Variants in CLIC4 observed in about 807,000 individuals in gnomAD.
CLIC4 encodes the protein CLIC family member 4, also known as chloride intracellular channel protein 4.
A neutral mutation model predicts 24.6 loss-of-function variants in CLIC4; 13 were observed. That is an observed-to-expected ratio of 0.53 (90% confidence interval 0.34 to 0.84). CLIC4 has a LOEUF of 0.84. CLIC4 is among the 40% of genes least tolerant of loss of function. The probability of loss-of-function intolerance (pLI) is 0.01; values close to 1 mark genes in which losing one functional copy is unlikely to be tolerated. For missense variants in CLIC4, 227 were observed against 301.7 expected (o/e 0.75, Z 1.83); for synonymous variants, 104 against 111.3 (o/e 0.93, Z 0.41).
chr1:24,748,055 T>C (rs1487214457), intron 1 of CLIC4, among the ~76,000 whole-genome samples: 1 of 151,682 alleles, frequency 6.6e-6, no homozygotes, highest in African/African-American at 2.4e-5. Flanking sequence ...AAAGCTATTA[T>C]CAGTTATGGC....
At chr1:24,749,106 C>T (rs1051365762) in intron 1 of CLIC4, among the ~76,000 whole-genome samples, 7 of 151,632 alleles carry the variant, frequency 4.6e-5, no homozygotes, top group Admixed American at 1.3e-4. Flanking sequence ...CCCAGCTACT[C>T]GGGAGACTGA....
chr1:24,790,335 G>A (rs945722895), intron 1 of CLIC4, among the ~76,000 whole-genome samples: 1 of 152,232 alleles, frequency 6.6e-6, no homozygotes, highest in Non-Finnish European at 1.5e-5. Context: ...GCCTCCCAAA[G>A]TGCTGGGATT....
chr1:24,784,184 T>C (rs1033874984), intron 1 of CLIC4, among the ~76,000 whole-genome samples: 2 of 152,144 alleles, frequency 1.3e-5, no homozygotes, highest in African/African-American at 4.8e-5. Context: ...ATTACAAATA[T>C]CAAAAAGTGT....
intron 1 of CLIC4, among the ~76,000 whole-genome samples, chr1:24,781,103 A>G (rs1487453253): frequency 2.7e-5 from 4 of 150,090 alleles, no homozygotes; most frequent in Admixed American, 6.7e-5. Context: ...AAAAAAAAAA[A>G]AAGAAAGAAA....
chr1:24,794,101 T>TG (rs1227998107), intron 1 of CLIC4, among the ~76,000 whole-genome samples: 1 of 152,156 alleles, frequency 6.6e-6, no homozygotes, highest in African/African-American at 2.4e-5. Context: ...TTTTTAAACT[T>TG]GGGGCTGATT....
At chr1:24,807,203 ATAAT>A (rs1329613425) in intron 2 of CLIC4, among the ~76,000 whole-genome samples, 1 of 151,772 alleles carries the variant, frequency 6.6e-6, no homozygotes, top group Non-Finnish European at 1.5e-5. Context: ...AAAAACTTTC[ATAAT>A]TAATTATAGA....
chr1:24,778,048 C>A (rs762774210), intron 1 of CLIC4: 1 of 152,112 alleles, frequency 6.6e-6, no homozygotes, highest in Non-Finnish European at 1.5e-5. Context: ...TTATATTGGT[C>A]GTAGCTCTGG....
At chr1:24,756,217 T>G (rs898612818) in intron 1 of CLIC4, among the ~76,000 whole-genome samples, 2 of 152,118 alleles carry the variant, frequency 1.3e-5, no homozygotes, top group Non-Finnish European at 2.9e-5. Flanking sequence ...GCTAGGATGG[T>G]CTTGATCTCC....
intron 4 of CLIC4, 44 bp downstream of exon 4, chr1:24,827,160 AAAC>A: frequency 2.6e-6 from 3 of 1,173,058 alleles, no homozygotes; most frequent in East Asian, 2.4e-5. Flanking sequence ...AAAAAACCCC[AAAC>A]AACAACAGGC....
At chr1:24,837,978 C>G (rs1217081706) in intron 4 of CLIC4, among the ~76,000 whole-genome samples, 1 of 152,176 alleles carries the variant, frequency 6.6e-6, no homozygotes, top group Non-Finnish European at 1.5e-5. Context: ...ACACGTTGCT[C>G]CAGCTCAGTG....
chr1:24,804,357 G>A (rs1639522802), intron 2 of CLIC4, among the ~76,000 whole-genome samples: 1 of 148,988 alleles, frequency 6.7e-6, no homozygotes, highest in Non-Finnish European at 1.5e-5. Context: ...CTGTGTGTGT[G>A]GGGGGTGTGT....
chr1:24,746,719 T>TA (rs1638704161), intron 1 of CLIC4, among the ~76,000 whole-genome samples: 2 of 152,160 alleles, frequency 1.3e-5, no homozygotes, highest in African/African-American at 2.4e-5. Flanking sequence ...GTTTAAGAGA[T>TA]AGAGAAGGGC....
chr1:24,822,407 G>A (rs1639744554), intron 3 of CLIC4, among the ~76,000 whole-genome samples: 1 of 140,858 alleles, frequency 7.1e-6, no homozygotes, highest in African/African-American at 2.7e-5. Flanking sequence ...GGAGTGCAGT[G>A]GCAGCATCTT....
At chr1:24,777,444 T>C (rs899493129) in intron 1 of CLIC4, among the ~76,000 whole-genome samples, 1 of 152,088 alleles carries the variant, frequency 6.6e-6, no homozygotes, top group Non-Finnish European at 1.5e-5. Context: ...CTCGGGAGGC[T>C]GAGGCAGGAG....
chr1:24,836,503 T>A (rs1639886982), intron 4 of CLIC4, among the ~76,000 whole-genome samples: 1 of 152,168 alleles, frequency 6.6e-6, no homozygotes, highest in African/African-American at 2.4e-5. Flanking sequence ...AAACGAGGAA[T>A]GTTTCTCAAT....
intron 1 of CLIC4, among the ~76,000 whole-genome samples, chr1:24,747,668 CAAAA>C (rs982283577): frequency 1.1e-4 from 17 of 151,366 alleles, no homozygotes; most frequent in African/African-American, 3.4e-4. Context: ...TCCATAAACT[CAAAA>C]AAAGTGCATC....
chr1:24,769,961 ATCCTCC>A (rs1006403999), intron 1 of CLIC4, among the ~76,000 whole-genome samples: 1 of 151,588 alleles, frequency 6.6e-6, no homozygotes, highest in African/African-American at 2.4e-5. Flanking sequence ...GGCTCAAGTG[ATCCTCC>A]TCCTTTAGCT....
chr1:24,797,683 A>C, intron 1 of CLIC4, 59 bp from the exon 2 acceptor site: 1 of 1,183,546 alleles, frequency 8.4e-7, no homozygotes, highest in African/African-American at 1.6e-5. Flanking sequence ...AGAAAAAGTT[A>C]TGTCATGTTG....
intron 1 of CLIC4, among the ~76,000 whole-genome samples, chr1:24,778,863 C>G (rs560591290): frequency 3.3e-4 from 50 of 152,246 alleles, no homozygotes; most frequent in Non-Finnish European, 6.2e-4. Flanking sequence ...ATTTGATTTT[C>G]CTACAGATTA....
Sources: allele counts gnomAD v4.1 joint callset (sites outside exome capture counted in the v4.1 genomes callset), GRCh38; gene constraint gnomAD v4.1.1; transcripts MANE v1.5; gene names NCBI Gene and HGNC (gene_info 2026-07-23, HGNC 2026-07-21).